The following CFAP61 variants were observed in gnomAD, a reference collection of about 807,000 sequenced individuals.
The protein encoded by CFAP61 is cilia- and flagella-associated protein 61.
Under a neutral mutation model 135.6 loss-of-function variants are expected in CFAP61, and 107 were observed. The observed-to-expected ratio is 0.79, with a 90% CI of 0.67 to 0.93. The LOEUF (loss-of-function observed/expected upper bound fraction) is 0.93. Ranked by LOEUF, CFAP61 falls within the 40% of genes least tolerant of loss-of-function variation. The probability of loss-of-function intolerance (pLI) is 0.00; values close to 1 mark genes in which losing one functional copy is unlikely to be tolerated. For missense variants in CFAP61, 1,507 were observed against 1,556.2 expected, an observed-to-expected ratio of 0.97 and a Z score of 0.53; for synonymous variants, 575 against 578.5, an observed-to-expected ratio of 0.99 and a Z score of 0.09.
intron 21 of CFAP61, among the ~76,000 whole-genome samples, chr20:20,266,181 T>G (rs187819034): frequency 6.6e-6 from 1 of 152,368 alleles, no homozygotes; most frequent in Admixed American, 6.5e-5. Context: ...TACAAATTCA[T>G]GCCAAATCAC....
chr20:20,119,783 C>T (rs1258140565), intron 8 of CFAP61, among the ~76,000 whole-genome samples: 1 of 152,178 alleles, frequency 6.6e-6, no homozygotes, highest in African/African-American at 2.4e-5. Context: ...CTGATCCCTT[C>T]CCTCCTTTTA....
intron 10 of CFAP61, among the ~76,000 whole-genome samples, chr20:20,162,888 A>G (rs1319756916): frequency 6.6e-6 from 1 of 152,186 alleles, no homozygotes; most frequent in East Asian, 1.9e-4. Context: ...TAGTGTAAAT[A>G]CTTACGGATT....
intron 10 of CFAP61, among the ~76,000 whole-genome samples, chr20:20,162,629 A>G (rs1339361781): frequency 6.6e-6 from 1 of 152,206 alleles, no homozygotes; most frequent in African/African-American, 2.4e-5. Context: ...TGGAACTTAC[A>G]AAATAGGAGC....
rs6046757 is a variant in CFAP61, at chr20:20,250,093, C to T, written c.2160-1502C>T. Among the ~76,000 whole-genome samples the T allele has an allele frequency of 6.3e-3, 956 of 152,294 alleles. 8 individuals carry two copies. The highest frequency in any genetic ancestry group is 0.021 in the African/African-American group (893 of 41,564). ...CAGAGCCCTTTCACAGGTCCTGTAACAAGGTCTAATATGCCCCCATGACTA... is the reference window on the plus strand; with the variant it reads ...CAGAGCCCTTTCACAGGTCCTGTAATAAGGTCTAATATGCCCCCATGACTA... On this transcript the variant is annotated intron_variant, in intron 19 of 26. Coordinates refer to ENST00000245957, the MANE Select transcript of CFAP61 (RefSeq NM_015585.4).
At chr20:20,097,023 T>C (rs2047626822) in intron 7 of CFAP61, among the ~76,000 whole-genome samples, 1 of 152,138 alleles carries the variant, frequency 6.6e-6, no homozygotes, top group Admixed American at 6.5e-5. Flanking sequence ...CACTTTTATT[T>C]TGCAAACACG....
At chr20:20,357,892 G>C (rs1429467377) in intron 26 of CFAP61, among the ~76,000 whole-genome samples, 4 of 131,612 alleles carry the variant, frequency 3.0e-5, no homozygotes, top group Non-Finnish European at 3.3e-5. Context: ...GGTGGTCATA[G>C]TGTGAGGGGA....
chr20:20,130,084 T>G (rs2050393175), intron 8 of CFAP61, among the ~76,000 whole-genome samples: 1 of 151,570 alleles, frequency 6.6e-6, no homozygotes, highest in Non-Finnish European at 1.5e-5. Flanking sequence ...GGTCAGGAGT[T>G]TGAGACCAGC....
intron 13 of CFAP61, chr20:20,172,086 G>A (rs1189190899): frequency 3.4e-6 from 2 of 580,076 alleles, no homozygotes; most frequent in Non-Finnish European, 4.7e-6. Context: ...TTGGGCATGT[G>A]TCCAGTAAAA....
At chr20:20,299,555 G>A (rs34932165) in intron 25 of CFAP61, among the ~76,000 whole-genome samples, 61 of 152,176 alleles carry the variant, frequency 4.0e-4, no homozygotes, top group Non-Finnish European at 6.0e-4. Flanking sequence ...GTCATAGTTT[G>A]TCAGTCCTTG....
At chr20:20,178,785 C>A (rs1223691961) in intron 13 of CFAP61, among the ~76,000 whole-genome samples, 1 of 152,186 alleles carries the variant, frequency 6.6e-6, no homozygotes, top group African/African-American at 2.4e-5. Flanking sequence ...GTTTTAACAT[C>A]GTCAGTCCTT....
chr20:20,136,314 A>G (rs2050920119), intron 8 of CFAP61, among the ~76,000 whole-genome samples: 1 of 152,150 alleles, frequency 6.6e-6, no homozygotes, highest in African/African-American at 2.4e-5. Context: ...ATCCCCTTGA[A>G]TAAACTTGTA....
At chr20:20,358,618 T>A (rs1248464755) in intron 26 of CFAP61, among the ~76,000 whole-genome samples, 1 of 152,184 alleles carries the variant, frequency 6.6e-6, no homozygotes, top group Non-Finnish European at 1.5e-5. Flanking sequence ...GTTGTGAGAA[T>A]CAGTTGCTTT....
intron 17 of CFAP61, 77 bp downstream of exon 17, chr20:20,199,979 T>C (rs1436231396): frequency 1.3e-6 from 2 of 1,519,772 alleles, no homozygotes; most frequent in Admixed American, 3.4e-5. Context: ...CAGTGCTGTC[T>C]TCACAGGAGC....
At chr20:20,344,584 C>T (rs964474795) in intron 26 of CFAP61, among the ~76,000 whole-genome samples, 1 of 152,052 alleles carries the variant, frequency 6.6e-6, no homozygotes, top group Non-Finnish European at 1.5e-5. Flanking sequence ...GGCTTTTATC[C>T]AAAAGACAGG....
intron 13 of CFAP61, among the ~76,000 whole-genome samples, chr20:20,175,108 A>T (rs868727515): frequency 6.6e-6 from 1 of 152,200 alleles, no homozygotes; most frequent in Non-Finnish European, 1.5e-5. Context: ...TGTATCTGTG[A>T]GGACTCACAC....
intron 8 of CFAP61, among the ~76,000 whole-genome samples, chr20:20,118,744 A>G (rs912356831): frequency 2.0e-5 from 3 of 152,026 alleles, no homozygotes. Context: ...AAATGATCAC[A>G]TAGTTTTTGT....
At position 20,246,327 on chromosome 20, in the gene CFAP61, T is replaced by C. The variant is rs76343537; in HGVS notation, c.2159+112T>C. 4.1e-3 allele frequency: 3,081 copies of C among 758,364 alleles called. 72 individuals are homozygous for C. In the African/African-American group the frequency reaches 0.049, roughly 12 times the overall value. 47.0% of individuals were successfully genotyped at this position (758,364 alleles called of 1,614,324 possible). On this transcript the variant is annotated intron_variant, in intron 19 of 26. Transcript: ENST00000245957. ...ATTGGAAAAGGAGAAGTGGTGGGGC[T>C]TTTCTACTGGAGTTCAGACATCACT...
chr20:20,082,880 T>C (rs531212043), intron 6 of CFAP61, among the ~76,000 whole-genome samples: 1 of 152,308 alleles, frequency 6.6e-6, no homozygotes, highest in South Asian at 2.1e-4. Flanking sequence ...AGAACACTTT[T>C]ACGCTGCTGG....
intron 25 of CFAP61, among the ~76,000 whole-genome samples, chr20:20,309,454 G>A (rs1405080928): frequency 6.6e-6 from 1 of 152,106 alleles, no homozygotes; most frequent in East Asian, 1.9e-4. Context: ...TGGGTGCCAG[G>A]CAGACCCTAA....
Sources: gnomAD v4.1 joint callset for allele counts (sites outside exome capture counted in the v4.1 genomes callset) on GRCh38, gnomAD v4.1.1 for gene constraint, MANE v1.5 for transcripts, NCBI Gene and HGNC (gene_info 2026-07-23, HGNC 2026-07-21) for gene names.